CELF2: variants seen among roughly 807,000 people sequenced by gnomAD.
The protein encoded by CELF2 is CUGBP Elav-like family member 2, also known as CUG triplet repeat RNA-binding protein 2.
CELF2 carries 8 observed loss-of-function variants against 62.6 expected under a neutral mutation model. The observed-to-expected ratio is 0.13, with a 90% CI of 0.07 to 0.23. The LOEUF is 0.23. Ranked by LOEUF, CELF2 falls within the 10% of genes least tolerant of loss-of-function variation. CELF2 has a pLI of 1.00. For missense variants in CELF2, 333 were observed against 671.0 expected (o/e 0.50, Z 5.56); for synonymous variants, 258 against 250.0 (o/e 1.03, Z -0.30).
chr10:10,746,274 A>G, the CELF2 span, among the ~76,000 whole-genome samples: 1 of 152,242 alleles, frequency 6.6e-6, no homozygotes, highest in East Asian at 1.9e-4. Flanking sequence ...AACAGACAAC[A>G]TAGACAATAT....
intron 1 of CELF2, among the ~76,000 whole-genome samples, chr10:10,801,559 T>C (rs1214715353): frequency 6.6e-6 from 1 of 152,190 alleles, no homozygotes; most frequent in Non-Finnish European, 1.5e-5. Flanking sequence ...ATCTGAGTTA[T>C]GTCAATAAAA....
the CELF2 span, among the ~76,000 whole-genome samples, chr10:10,720,811 G>A: frequency 6.6e-6 from 1 of 152,174 alleles, no homozygotes; most frequent in Non-Finnish European, 1.5e-5. Context: ...GGCTTGGCTG[G>A]GCTTTTGCCT....
At chr10:11,323,955 G>A (rs1050787234) in intron 11 of CELF2, among the ~76,000 whole-genome samples, 4 of 151,140 alleles carry the variant, frequency 2.6e-5, no homozygotes, top group South Asian at 2.1e-4. Flanking sequence ...TTAAAAACTC[G>A]GGGGATATAC....
the CELF2 span, among the ~76,000 whole-genome samples, chr10:10,502,259 A>G: frequency 6.6e-6 from 1 of 151,874 alleles, no homozygotes; most frequent in Non-Finnish European, 1.5e-5. Flanking sequence ...TATCATGGTA[A>G]TATTAGCTTC....
At chr10:10,719,811 A>C in the CELF2 span, among the ~76,000 whole-genome samples, 1 of 152,200 alleles carries the variant, frequency 6.6e-6, no homozygotes, top group Non-Finnish European at 1.5e-5. Context: ...CCATTAGCAT[A>C]GCCTCCAGTA....
chr10:10,902,833 G>A (rs1323523673), intron 1 of CELF2, among the ~76,000 whole-genome samples: 1 of 147,022 alleles, frequency 6.8e-6, no homozygotes, highest in Non-Finnish European at 1.5e-5. Context: ...GAAAGATGGA[G>A]AGGAGAGAGA....
intron 1 of CELF2, among the ~76,000 whole-genome samples, chr10:11,099,463 C>T (rs7083068): frequency 0.2 from 29,774 of 151,928 alleles, 3,799 homozygotes; most frequent in African/African-American, 0.36. Flanking sequence ...CGATTCTTTT[C>T]TTCTTCTGTT....
the CELF2 span, among the ~76,000 whole-genome samples, chr10:10,712,173 A>AT: frequency 2.7e-5 from 4 of 149,488 alleles, no homozygotes; most frequent in East Asian, 4.0e-4. Context: ...AAAAAAAAAA[A>AT]CTGGAATCTC....
chr10:11,249,312 A>G (rs188107250), intron 4 of CELF2, 111 bp downstream of exon 4: 27 of 821,908 alleles, frequency 3.3e-5, no homozygotes, highest in Non-Finnish European at 4.4e-5. Flanking sequence ...TAGAGGACAG[A>G]GAGCGCTGCT....
intron 4 of CELF2, among the ~76,000 whole-genome samples, chr10:11,256,084 T>A (rs142814253): frequency 1.0e-3 from 157 of 152,354 alleles, no homozygotes; most frequent in African/African-American, 3.4e-3. Context: ...CCTTCCACTC[T>A]GGGATGCTAT....
At chr10:10,504,980 C>T in the CELF2 span, among the ~76,000 whole-genome samples, 1 of 151,982 alleles carries the variant, frequency 6.6e-6, no homozygotes, top group African/African-American at 2.4e-5. Context: ...TTTATCATGG[C>T]TGCTTTTAAA....
intron 2 of CELF2, among the ~76,000 whole-genome samples, chr10:11,190,491 G>A (rs1050203272): frequency 6.6e-6 from 1 of 151,928 alleles, no homozygotes; most frequent in Non-Finnish European, 1.5e-5. Context: ...GAACACTAAA[G>A]GCAGAGATTT....
the CELF2 span, among the ~76,000 whole-genome samples, chr10:10,535,835 C>T: frequency 6.6e-6 from 1 of 152,086 alleles, no homozygotes. Context: ...CCATTAGAGG[C>T]CCTCCTGGTT....
intron 2 of CELF2, among the ~76,000 whole-genome samples, chr10:11,215,435 G>T (rs1176304237): frequency 6.6e-6 from 1 of 152,114 alleles, no homozygotes; most frequent in Non-Finnish European, 1.5e-5. Context: ...TTCGTTCTTG[G>T]CTGTGGCGTG....
At chr10:11,126,864 C>CT (rs145027931) in intron 1 of CELF2, among the ~76,000 whole-genome samples, 7,135 of 147,622 alleles carry the variant, frequency 0.048, 181 homozygotes, top group African/African-American at 0.056. Flanking sequence ...GTCATTCATA[C>CT]TTTTTTTTTT....
the CELF2 span, among the ~76,000 whole-genome samples, chr10:10,769,853 G>T: frequency 2.0e-5 from 3 of 152,094 alleles, no homozygotes; most frequent in Non-Finnish European, 2.9e-5. Context: ...GGATCACTTA[G>T]AATTACCTCC....
chr10:10,487,795 A>G, the CELF2 span, among the ~76,000 whole-genome samples: 3 of 152,190 alleles, frequency 2.0e-5, no homozygotes, highest in African/African-American at 7.2e-5. Flanking sequence ...ATGAATTAGT[A>G]ATGGTGGTCT....
intron 1 of CELF2, among the ~76,000 whole-genome samples, chr10:10,823,583 CA>C (rs3028994): frequency 0.63 from 94,727 of 151,166 alleles, 29,856 homozygotes; most frequent in African/African-American, 0.71. Context: ...TTCTTATGCA[CA>C]AAAAAAAATA....
chr10:10,570,809 A>G, the CELF2 span, among the ~76,000 whole-genome samples: 1 of 152,158 alleles, frequency 6.6e-6, no homozygotes, highest in Admixed American at 6.5e-5. Flanking sequence ...AAGCTTCAGC[A>G]TATGTCTAAA....
Sources: gnomAD v4.1 joint callset for allele counts (sites outside exome capture counted in the v4.1 genomes callset) on GRCh38, gnomAD v4.1.1 for gene constraint, MANE v1.5 for transcripts, NCBI Gene and HGNC (gene_info 2026-07-23, HGNC 2026-07-21) for gene names.